The following FRMPD1 variants were observed in gnomAD, a reference collection of about 807,000 sequenced individuals.
FRMPD1 encodes the protein FERM and PDZ domain-containing protein 1.
Under a neutral mutation model 117.8 loss-of-function variants are expected in FRMPD1, and 76 were observed. That is an observed-to-expected ratio of 0.65 (90% CI 0.54 to 0.78). The LOEUF is 0.78. Ranked by LOEUF, FRMPD1 falls within the 30% of genes least tolerant of loss-of-function variation. FRMPD1 has a pLI of 0.00. For synonymous variants in FRMPD1, 783 were observed against 770.4 expected (o/e 1.02, Z -0.27); for missense variants, 1,786 against 1,964.5 (o/e 0.91, Z 1.72).
chr9:37,619,158 C>T, the FRMPD1 span, among the ~76,000 whole-genome samples: 3 of 152,152 alleles, frequency 2.0e-5, no homozygotes, highest in South Asian at 4.2e-4. Flanking sequence ...GGTTGGAGTG[C>T]GGATGAAATT....
the FRMPD1 span, among the ~76,000 whole-genome samples, chr9:37,640,999 C>T: frequency 6.1e-4 from 93 of 152,302 alleles, 1 homozygote; most frequent in African/African-American, 9.6e-4. Flanking sequence ...GCCATCCTCC[C>T]GCCTCAGCTA....
At chr9:37,665,716 A>G (rs1821139476) in intron 1 of FRMPD1, among the ~76,000 whole-genome samples, 1 of 152,112 alleles carries the variant, frequency 6.6e-6, no homozygotes, top group Admixed American at 6.6e-5. Flanking sequence ...GGGCTTTCTC[A>G]TGCTTAAAAG....
intron 1 of FRMPD1, among the ~76,000 whole-genome samples, chr9:37,656,404 G>A (rs1272186631): frequency 6.6e-6 from 1 of 152,190 alleles, no homozygotes; most frequent in Admixed American, 6.5e-5. Context: ...GGAATATACT[G>A]TGTAAAATTT....
chr9:37,745,345 C>G lies in FRMPD1; in HGVS notation c.3313C>G (p.Gln1105Glu). 6.2e-7 allele frequency: 1 copy of G among 1,613,386 alleles called. No homozygotes were observed. Among genetic ancestry groups the G allele is most frequent in the South Asian group, 1.1e-5 (1 of 91,080 alleles). ...TTCTATCCCTACAAAGGAAGAGCCA[C>G]AAGGACAACTATCTCTGGAAAGAGA... is the stretch of plus-strand genomic sequence containing the variant. ...IASIPTKEEP[Q>E]GQLSLERDRE... The change falls in exon 16 of 16, where the codon CAA becomes GAA. Residue 1105 changes from glutamine to glutamate, a missense_variant. Coordinates refer to ENST00000377765, the MANE Select transcript of FRMPD1 (RefSeq NM_014907.3).
In FRMPD1 at chr9:37,711,360, G is replaced by A. The variant is rs746980264; in HGVS notation, c.373G>A (p.Asp125Asn). 1 of 1,608,838 alleles carries A rather than the reference G, an allele frequency of 6.2e-7. No homozygotes were observed. Among genetic ancestry groups the A allele is most frequent in the South Asian group, 1.1e-5 (1 of 90,970 alleles). Reference protein sequence around the residue: ...RAVDILREAEDSLSITVVRCT... With the variant: ...RAVDILREAENSLSITVVRCT... ...TCTTTCTTTTTTCAGGGAAGCAGAAGATTCTCTTTCAATCACAGTTGTTCG... is the reference window on the plus strand; with the variant it reads ...TCTTTCTTTTTTCAGGGAAGCAGAAAATTCTCTTTCAATCACAGTTGTTCG... The change falls in exon 5 of 16, where the codon GAT (aspartate) becomes AAT (asparagine). Residue 125 changes from aspartate (D) to asparagine (N), a missense_variant. Transcript: ENST00000377765.
chr9:37,728,745 C>T (rs1332740408), intron 7 of FRMPD1, among the ~76,000 whole-genome samples: 1 of 151,968 alleles, frequency 6.6e-6, no homozygotes, highest in Non-Finnish European at 1.5e-5. Flanking sequence ...GGCAGATCAC[C>T]TGAGGTCGGG....
intron 1 of FRMPD1, among the ~76,000 whole-genome samples, chr9:37,674,490 C>T (rs1821457128): frequency 6.6e-6 from 1 of 152,152 alleles, no homozygotes; most frequent in South Asian, 2.1e-4. Context: ...TGCCTGTTAC[C>T]CAGTTCTAAA....
At position 37,734,629 on chromosome 9, in the gene FRMPD1, G is replaced by T. The variant is rs560184835; in HGVS notation, c.1218+804G>T. 3.3e-5 allele frequency among the ~76,000 whole-genome samples: 5 copies of T among 152,166 alleles called. No individual in the cohort carries two copies. In the East Asian group the frequency reaches 5.8e-4, roughly 18 times the overall value. On this transcript the variant is annotated intron_variant, in intron 12 of 15. Coordinates refer to ENST00000377765, the MANE Select transcript of FRMPD1 (RefSeq NM_014907.3). ...AATATTAACCAAAATCCTTTCAAAA[G>T]ATTTGGTATGCATCTCAGTCATTTA...
chr9:37,657,171 T>C (rs1820867782), intron 1 of FRMPD1, among the ~76,000 whole-genome samples: 1 of 152,220 alleles, frequency 6.6e-6, no homozygotes, highest in Non-Finnish European at 1.5e-5. Context: ...AGCTGAGAAA[T>C]GCTGTGCTTC....
chr9:37,709,992 C>CT (rs1028612819), intron 4 of FRMPD1, among the ~76,000 whole-genome samples: 1 of 152,172 alleles, frequency 6.6e-6, no homozygotes, highest in African/African-American at 2.4e-5. Flanking sequence ...GGACGCCTTA[C>CT]TTTTTTTAAG....
the FRMPD1 span, among the ~76,000 whole-genome samples, chr9:37,619,684 G>C: frequency 1.3e-5 from 2 of 151,886 alleles, no homozygotes; most frequent in East Asian, 3.9e-4. Flanking sequence ...GTTGAACCCA[G>C]GAATTGGAGG....
Position 37,717,341 on chromosome 9 carries a change from A to ATGTGTGTGTGTGTGTGTGTG in FRMPD1, c.409-1718_409-1699dup, listed in dbSNP as rs59852335. ...TATGTGTGTGTGTGTATGTGTATAT[A>ATGTGTGTGTGTGTGTGTGTG]TGTGTGTGTGTGTGTGTGTGTGTGT... On this transcript the variant is annotated intron_variant, in intron 5 of 15. Coordinates refer to ENST00000377765, the MANE Select transcript of FRMPD1 (RefSeq NM_014907.3). Among the ~76,000 whole-genome samples, 418 of 120,132 alleles carry ATGTGTGTGTGTGTGTGTGTG rather than the reference A, an allele frequency of 3.5e-3. 8 individuals are homozygous for ATGTGTGTGTGTGTGTGTGTG. Among genetic ancestry groups the ATGTGTGTGTGTGTGTGTGTG allele is most frequent in the African/African-American group, 0.012 (402 of 32,164 alleles). 78.8% of individuals were successfully genotyped at this position (120,132 alleles called of 152,430 possible). A position where few individuals can be genotyped will look rare whatever the true frequency, so the allele number is the denominator to read the frequency against.
Position 37,724,250 on chromosome 9 carries a change from A to G in FRMPD1, c.542A>G (p.Asn181Ser), listed in dbSNP as rs1478638942. ...SQGNSLLCMP[N>S]VLKLYLENGQ... ...GGTAATTCTCTGCTGTGTATGCCCAACGTGCTCAAGCTATACTTGGAGAAT... is the reference window on the plus strand; with the variant it reads ...GGTAATTCTCTGCTGTGTATGCCCAGCGTGCTCAAGCTATACTTGGAGAAT... Residue 181 changes from asparagine (N) to serine (S), a missense_variant, in exon 7 of 16, where the codon AAC (asparagine) becomes AGC (serine). Physicochemically the swap from Asn to Ser is conservative, Grantham distance 46. Coordinates refer to ENST00000377765, the MANE Select transcript of FRMPD1 (RefSeq NM_014907.3). The G allele has an allele frequency of 5.6e-6, 9 of 1,598,634 alleles. No homozygotes were observed. Among genetic ancestry groups the G allele is most frequent in the African/African-American group, 5.4e-5 (4 of 74,636 alleles).
At chr9:37,703,974 C>A (rs899488783) in intron 2 of FRMPD1, among the ~76,000 whole-genome samples, 10 of 152,184 alleles carry the variant, frequency 6.6e-5, no homozygotes, top group Non-Finnish European at 1.0e-4. Flanking sequence ...TATTCATGTG[C>A]AAGTTTTTGT....
intron 6 of FRMPD1, among the ~76,000 whole-genome samples, chr9:37,723,364 C>T (rs549141597): frequency 6.6e-6 from 1 of 152,294 alleles, no homozygotes; most frequent in African/African-American, 2.4e-5. Context: ...TAGAAGGGCT[C>T]ACTCTTCTCC....
chr9:37,618,013 A>G, the FRMPD1 span, among the ~76,000 whole-genome samples: 1 of 152,198 alleles, frequency 6.6e-6, no homozygotes, highest in Non-Finnish European at 1.5e-5. Context: ...AGGGTGGGGC[A>G]GCCCCAGCTG....
At chr9:37,702,511 A>G (rs1374157244) in intron 2 of FRMPD1, among the ~76,000 whole-genome samples, 1 of 152,254 alleles carries the variant, frequency 6.6e-6, no homozygotes, top group African/African-American at 2.4e-5. Flanking sequence ...GAAGGAAGAT[A>G]TGACCTTTGA....
the FRMPD1 span, among the ~76,000 whole-genome samples, chr9:37,626,800 A>G: frequency 6.6e-6 from 1 of 151,368 alleles, no homozygotes; most frequent in Non-Finnish European, 1.5e-5. Flanking sequence ...AGAGAGAGAG[A>G]GAGAAAAGTA....
chr9:37,665,478 A>C (rs1235592932), intron 1 of FRMPD1, among the ~76,000 whole-genome samples: 1 of 152,242 alleles, frequency 6.6e-6, no homozygotes, highest in East Asian at 1.9e-4. Context: ...GAGTGGTCTT[A>C]GGTCCATTTG....
Sources: gnomAD v4.1 joint callset for allele counts (sites outside exome capture counted in the v4.1 genomes callset) on GRCh38, gnomAD v4.1.1 for gene constraint, MANE v1.5 for transcripts, NCBI Gene and HGNC (gene_info 2026-07-23, HGNC 2026-07-21) for gene names.